The following L3MBTL4 variants were observed in gnomAD, a reference collection of about 807,000 sequenced individuals.
The protein encoded by L3MBTL4 is L3MBTL histone methyl-lysine binding protein 4.
Under a neutral mutation model 84.5 loss-of-function variants are expected in L3MBTL4, and 70 were observed. That is an observed-to-expected ratio of 0.83 (90% CI 0.68 to 1.01). The LOEUF (loss-of-function observed/expected upper bound fraction) is 1.01, where lower values mean the gene tolerates loss of function less well. L3MBTL4 is among the 50% of genes least tolerant of loss of function. The pLI is 0.00. For synonymous variants in L3MBTL4, 274 were observed against 259.8 expected, an observed-to-expected ratio of 1.05 and a Z score of -0.52; for missense variants, 715 against 754.8, an observed-to-expected ratio of 0.95 and a Z score of 0.62.
At chr18:6,045,599 T>C (rs575563426) in intron 16 of L3MBTL4, among the ~76,000 whole-genome samples, 29 of 152,198 alleles carry the variant, frequency 1.9e-4, no homozygotes, top group African/African-American at 6.7e-4. Context: ...TCATCAGACC[T>C]CATGAGACTC....
At chr18:5,965,347 A>G (rs1473301225) in intron 17 of L3MBTL4, among the ~76,000 whole-genome samples, 1 of 152,238 alleles carries the variant, frequency 6.6e-6, no homozygotes, top group African/African-American at 2.4e-5. Flanking sequence ...CTCCCAGGCC[A>G]GGAAGGCAGA....
chr18:6,319,079 T>A (rs561849883), intron 1 of L3MBTL4, among the ~76,000 whole-genome samples: 1 of 152,230 alleles, frequency 6.6e-6, no homozygotes, highest in Admixed American at 6.5e-5. Flanking sequence ...TTCTTTGACA[T>A]GAGTGACAAC....
At chr18:6,397,006 G>A (rs559067478) in intron 1 of L3MBTL4, 1 of 152,094 alleles carries the variant, frequency 6.6e-6, no homozygotes, top group South Asian at 2.1e-4. Context: ...AGATGTTTAG[G>A]AATTCTGAGA....
intron 4 of L3MBTL4, among the ~76,000 whole-genome samples, chr18:6,285,504 A>G (rs1348689464): frequency 6.6e-6 from 1 of 150,650 alleles, no homozygotes; most frequent in Non-Finnish European, 1.5e-5. Flanking sequence ...GTGTGTGTAT[A>G]GCAATTTGTA....
At chr18:6,142,887 A>C (rs893996648) in intron 13 of L3MBTL4, among the ~76,000 whole-genome samples, 13 of 146,018 alleles carry the variant, frequency 8.9e-5, no homozygotes, top group African/African-American at 3.5e-4. Flanking sequence ...ACTGTATCTC[A>C]AAAAAAAAAT....
intron 16 of L3MBTL4, among the ~76,000 whole-genome samples, chr18:6,003,258 T>G (rs970362122): frequency 2.7e-5 from 4 of 150,768 alleles, no homozygotes; most frequent in Admixed American, 2.0e-4. Flanking sequence ...ATGGGGCACT[T>G]ATATTACTAT....
chr18:6,211,424 G>A (rs1210477837), intron 12 of L3MBTL4, among the ~76,000 whole-genome samples: 1 of 151,998 alleles, frequency 6.6e-6, no homozygotes, highest in African/African-American at 2.4e-5. Context: ...GAGAATAACA[G>A]AACAATATGA....
At chr18:6,187,995 A>T (rs2044862599) in intron 12 of L3MBTL4, among the ~76,000 whole-genome samples, 1 of 150,222 alleles carries the variant, frequency 6.7e-6, no homozygotes, top group Admixed American at 6.6e-5. Context: ...TTTATTTTAG[A>T]TCAAAACAAA....
chr18:6,014,375 C>A (rs1198524798), intron 16 of L3MBTL4, among the ~76,000 whole-genome samples: 1 of 152,162 alleles, frequency 6.6e-6, no homozygotes, highest in African/African-American at 2.4e-5. Context: ...ATCCTGTAGG[C>A]AAATTGTTAC....
chr18:6,228,042 T>G (rs2046847832), intron 10 of L3MBTL4, among the ~76,000 whole-genome samples: 1 of 152,194 alleles, frequency 6.6e-6, no homozygotes, highest in Non-Finnish European at 1.5e-5. Flanking sequence ...CTATATAAGC[T>G]TGACAACGTG....
chr18:6,384,336 AC>A (rs35815791), intron 1 of L3MBTL4, among the ~76,000 whole-genome samples: 195 of 152,304 alleles, frequency 1.3e-3, no homozygotes, highest in African/African-American at 4.4e-3. Context: ...GTATACAGAC[AC>A]ATCCATATAC....
chr18:6,226,579 A>T (rs777516497), intron 10 of L3MBTL4, among the ~76,000 whole-genome samples: 2 of 152,194 alleles, frequency 1.3e-5, no homozygotes, highest in Non-Finnish European at 2.9e-5. Flanking sequence ...AGAACTAAAG[A>T]CAACAAGAGG....
rs531792357 is a variant in L3MBTL4, at chr18:6,091,043, G to C, written c.1373+2312C>G. On this transcript the variant is annotated intron_variant, in intron 15 of 18. Transcript: ENST00000317931. ...TTATTTCTGCTCAACATGCAAAAGA[G>C]GAAAGATAGAATTTAAATATTCTCC... is the stretch of plus-strand genomic sequence containing the variant. 2.6e-5 allele frequency among the ~76,000 whole-genome samples: 4 copies of C among 152,180 alleles called. No homozygotes were observed. The East Asian group carries it at 7.7e-4, about 29-fold the overall frequency.
At chr18:6,143,915 C>CGGCTG (rs1252909134) in intron 13 of L3MBTL4, among the ~76,000 whole-genome samples, 5 of 152,054 alleles carry the variant, frequency 3.3e-5, no homozygotes, top group Non-Finnish European at 7.4e-5. Flanking sequence ...AAGACAGCAA[C>CGGCTG]GGCTGGGCGC....
intron 1 of L3MBTL4, among the ~76,000 whole-genome samples, chr18:6,379,127 T>C (rs187151594): frequency 1.8e-3 from 272 of 152,340 alleles, no homozygotes; most frequent in African/African-American, 6.0e-3. Context: ...TTGTCTGTTA[T>C]TGTTGTATAG....
chr18:6,251,346 ATGG>A (rs1426973333), intron 5 of L3MBTL4, among the ~76,000 whole-genome samples: 2 of 152,242 alleles, frequency 1.3e-5, no homozygotes, highest in Admixed American at 1.3e-4. Context: ...GAAACCTAGA[ATGG>A]TTAGATACAA....
chr18:6,198,028 C>T (rs1365892521), intron 12 of L3MBTL4, among the ~76,000 whole-genome samples: 2 of 152,148 alleles, frequency 1.3e-5, no homozygotes. Flanking sequence ...TTTGACCACC[C>T]CTCTCCCTTT....
At chr18:6,158,050 C>T (rs970605660) in intron 13 of L3MBTL4, among the ~76,000 whole-genome samples, 16 of 152,272 alleles carry the variant, frequency 1.1e-4, no homozygotes, top group East Asian at 1.9e-4. Flanking sequence ...AGGTGGCAGG[C>T]GAGAGCCCAA....
intron 1 of L3MBTL4, among the ~76,000 whole-genome samples, chr18:6,403,934 A>G (rs1405828838): frequency 6.6e-6 from 1 of 152,284 alleles, no homozygotes; most frequent in Non-Finnish European, 1.5e-5. Flanking sequence ...AAATGAAATA[A>G]TGGGCTTTGC....
Sources: gnomAD v4.1 joint callset for allele counts (sites outside exome capture counted in the v4.1 genomes callset) on GRCh38, gnomAD v4.1.1 for gene constraint, MANE v1.5 for transcripts, NCBI Gene and HGNC (gene_info 2026-07-23, HGNC 2026-07-21) for gene names.